The following BLOC1S5 variants were observed in gnomAD, a reference collection of about 807,000 sequenced individuals.
BLOC1S5 encodes the protein biogenesis of lysosomal organelles complex 1 subunit 5.
Under a neutral mutation model 24.3 loss-of-function variants are expected in BLOC1S5, and 27 were observed. That is an observed-to-expected ratio of 1.11 (90% CI 0.82 to 1.53). The LOEUF is 1.53. BLOC1S5 is among the 40% of genes most tolerant of loss of function. BLOC1S5 has a pLI of 0.00. For missense variants in BLOC1S5, 239 were observed against 229.4 expected, an observed-to-expected ratio of 1.04 and a Z score of -0.27; for synonymous variants, 84 against 74.5, an observed-to-expected ratio of 1.13 and a Z score of -0.66.
chr6:8,062,260 TCCC>T (rs1283894158), intron 2 of BLOC1S5, among the ~76,000 whole-genome samples: 1 of 152,050 alleles, frequency 6.6e-6, no homozygotes, highest in Non-Finnish European at 1.5e-5. Flanking sequence ...TCCCTTTTTT[TCCC>T]CCACTATATC....
chr6:8,020,522 C>T (rs949435311), intron 4 of BLOC1S5, among the ~76,000 whole-genome samples: 1 of 152,224 alleles, frequency 6.6e-6, no homozygotes, highest in Non-Finnish European at 1.5e-5. Flanking sequence ...ATTCCAGAGG[C>T]TCTCCCCACC....
chr6:8,061,681 C>G (rs1764521296), intron 2 of BLOC1S5, among the ~76,000 whole-genome samples: 1 of 152,200 alleles, frequency 6.6e-6, no homozygotes, highest in African/African-American at 2.4e-5. Flanking sequence ...TGGTCAGTAT[C>G]ATTTGCAAAA....
chr6:8,042,080 A>G (rs1330983812), intron 2 of BLOC1S5, among the ~76,000 whole-genome samples: 1 of 152,210 alleles, frequency 6.6e-6, no homozygotes, highest in Non-Finnish European at 1.5e-5. Flanking sequence ...GCATTTTTAA[A>G]ATTATGAAAT....
At chr6:8,061,764 T>A (rs1040221020) in intron 2 of BLOC1S5, among the ~76,000 whole-genome samples, 1 of 152,230 alleles carries the variant, frequency 6.6e-6, no homozygotes, top group Non-Finnish European at 1.5e-5. Context: ...GTTTGAGAAG[T>A]TACTGCTTAA....
chr6:8,042,747 C>A (rs967536028), intron 2 of BLOC1S5, among the ~76,000 whole-genome samples: 1 of 152,188 alleles, frequency 6.6e-6, no homozygotes, highest in Non-Finnish European at 1.5e-5. Flanking sequence ...AGACTGGACA[C>A]CCCTGGTTTA....
chr6:8,030,865 CAA>C (rs55692261), intron 3 of BLOC1S5, among the ~76,000 whole-genome samples: 1 of 118,544 alleles, frequency 8.4e-6, no homozygotes. Context: ...GACCAACAGT[CAA>C]AAAAAAAAAA....
chr6:8,034,283 G>A (rs1483962000), intron 3 of BLOC1S5, among the ~76,000 whole-genome samples: 2 of 152,210 alleles, frequency 1.3e-5, no homozygotes, highest in African/African-American at 2.4e-5. Context: ...TATACACTAT[G>A]GAATACTATG....
At chr6:8,047,438 G>A (rs143669710) in intron 2 of BLOC1S5, among the ~76,000 whole-genome samples, 4 of 152,070 alleles carry the variant, frequency 2.6e-5, no homozygotes, top group South Asian at 2.1e-4. Flanking sequence ...TGTTGACCAC[G>A]CCTGGCCAAC....
intron 3 of BLOC1S5, among the ~76,000 whole-genome samples, chr6:8,032,916 A>AT (rs558487230): frequency 1.1e-3 from 171 of 152,326 alleles, no homozygotes; most frequent in Middle Eastern, 3.4e-3. Context: ...AATCCAACGT[A>AT]TAAGGGATGT....
intron 2 of BLOC1S5, among the ~76,000 whole-genome samples, chr6:8,060,543 T>C (rs574826360): frequency 6.2e-4 from 95 of 152,230 alleles, no homozygotes; most frequent in African/African-American, 2.1e-3. Context: ...GGAGACCAGG[T>C]AGGGGCCTAC....
chr6:8,042,891 C>T (rs1371354899), intron 2 of BLOC1S5, among the ~76,000 whole-genome samples: 1 of 152,212 alleles, frequency 6.6e-6, no homozygotes, highest in African/African-American at 2.4e-5. Flanking sequence ...GGCAAGCTTC[C>T]CTGTAAGATT....
Position 8,055,265 on chromosome 6 carries a change from C to G in BLOC1S5, c.195+7269G>C, listed in dbSNP as rs571571370. On this transcript the variant is annotated intron_variant, in intron 2 of 4. Coordinates refer to ENST00000397457, the MANE Select transcript of BLOC1S5 (RefSeq NM_201280.3). ...CCTGGCCAACGTGGTGAAACCCTGT[C>G]TCTATTAAAAAATACAAAAATCAGC... is the stretch of plus-strand genomic sequence containing the variant. Among the ~76,000 whole-genome samples the G allele has an allele frequency of 1.6e-4, 25 of 152,258 alleles. 2 individuals carry two copies. In the South Asian group the frequency reaches 4.4e-3, roughly 27 times the overall value.
intron 3 of BLOC1S5, among the ~76,000 whole-genome samples, chr6:8,035,552 CA>C (rs1763458656): frequency 6.6e-6 from 1 of 152,004 alleles, no homozygotes; most frequent in South Asian, 2.1e-4. Context: ...AAAGATATTC[CA>C]TGCAACTGGA....
At chr6:8,023,488 G>C (rs751736383) in intron 4 of BLOC1S5, among the ~76,000 whole-genome samples, 18 of 152,044 alleles carry the variant, frequency 1.2e-4, no homozygotes, top group Non-Finnish European at 2.2e-4. Context: ...TACTTAGGAG[G>C]CTGAGGCAGG....
At chr6:8,044,348 C>T (rs1417743145) in intron 2 of BLOC1S5, among the ~76,000 whole-genome samples, 1 of 151,760 alleles carries the variant, frequency 6.6e-6, no homozygotes, top group East Asian at 1.9e-4. Context: ...TGAGGCCTCC[C>T]CACCCATGTG....
chr6:8,051,184 C>A (rs201605246), intron 2 of BLOC1S5, among the ~76,000 whole-genome samples: 337 of 139,786 alleles, frequency 2.4e-3, no homozygotes, highest in South Asian at 4.6e-3. Flanking sequence ...GATTCCATCT[C>A]AAAAAAAAAA....
At chr6:8,048,949 A>G (rs1249490972) in intron 2 of BLOC1S5, among the ~76,000 whole-genome samples, 1 of 150,514 alleles carries the variant, frequency 6.6e-6, no homozygotes, top group Non-Finnish European at 1.5e-5. Flanking sequence ...GGGTGGCAGA[A>G]GCTGCAGTGA....
At chr6:8,041,802 A>AC (rs1763702754) in intron 2 of BLOC1S5, 1 of 150,328 alleles carries the variant, frequency 6.7e-6, no homozygotes, top group Non-Finnish European at 1.5e-5. Context: ...GCCCGCCACT[A>AC]CCCCCGGCTA....
chr6:8,037,872 G>C (rs1763540607), intron 3 of BLOC1S5, among the ~76,000 whole-genome samples: 1 of 152,122 alleles, frequency 6.6e-6, no homozygotes, highest in African/African-American at 2.4e-5. Flanking sequence ...AACATACAAT[G>C]GGGAAAGGAC....
Sources: gnomAD v4.1 joint callset for allele counts (sites outside exome capture counted in the v4.1 genomes callset) on GRCh38, gnomAD v4.1.1 for gene constraint, MANE v1.5 for transcripts, NCBI Gene and HGNC (gene_info 2026-07-23, HGNC 2026-07-21) for gene names.